The following SFSWAP variants were observed in gnomAD, a reference collection of about 807,000 sequenced individuals.
SFSWAP encodes splicing factor, suppressor of white-apricot homolog.
Under a neutral mutation model 100.7 loss-of-function variants are expected in SFSWAP, and 17 were observed. The ratio of observed to expected loss-of-function variants is 0.17; its 90% CI spans 0.12 to 0.25. The LOEUF is 0.25. Among genes scored for constraint, SFSWAP ranks in the 10% least tolerant of loss-of-function variants. The pLI is 1.00. For synonymous variants in SFSWAP, 504 were observed against 510.1 expected, an observed-to-expected ratio of 0.99 and a Z score of 0.16; for missense variants, 1,005 against 1,262.6, an observed-to-expected ratio of 0.80 and a Z score of 3.09.
intron 15 of SFSWAP, among the ~76,000 whole-genome samples, chr12:131,790,139 G>A (rs1885148216): frequency 6.6e-6 from 1 of 152,174 alleles, no homozygotes; most frequent in Non-Finnish European, 1.5e-5. Context: ...TCTCACCGTG[G>A]ACTCAGGAGC....
At position 131,714,843 on chromosome 12, in the gene SFSWAP, G is replaced by T; in HGVS notation, c.410G>T (p.Ser137Ile). Residue 137 changes from serine to isoleucine, a missense_variant, in exon 3 of 18, where the codon AGT becomes ATT. By Grantham distance (142) the Ser-to-Ile change is moderately radical. This residue lies in a region of SFSWAP where 237 missense variants were observed against 337.0 expected (regional missense o/e 0.70). Coordinates refer to ENST00000261674, the MANE Select transcript of SFSWAP (RefSeq NM_004592.4). The surrounding 1 kb of genome is among the most constrained non-coding windows in gnomAD (Gnocchi z 6.0). ...CAAGAGGAAGAATACAAGCGATTGA[G>T]TGAAGCACTAGCAGAGGATGGGAGC... is the stretch of plus-strand genomic sequence containing the variant. ...ARQEEEYKRL[S>I]EALAEDGSYN... 6.2e-7 allele frequency: 1 copy of T among 1,614,034 alleles called. No homozygotes were observed. The highest frequency in any genetic ancestry group is 8.5e-7 in the Non-Finnish European group (1 of 1,179,900).
intron 7 of SFSWAP, among the ~76,000 whole-genome samples, chr12:131,744,798 C>T (rs1379371228): frequency 6.6e-6 from 1 of 152,220 alleles, no homozygotes; most frequent in Non-Finnish European, 1.5e-5. Flanking sequence ...ATGGACTTAA[C>T]AGTTCCACAT....
At chr12:131,774,415 C>T (rs1883853407) in intron 13 of SFSWAP, among the ~76,000 whole-genome samples, 1 of 152,134 alleles carries the variant, frequency 6.6e-6, no homozygotes, top group Admixed American at 6.6e-5. Flanking sequence ...CACAGGGGGA[C>T]TAATCAATGT....
rs778345473 is a variant in SFSWAP, at chr12:131,755,452, C to T, written c.1521C>T (p.Leu507=). 27 of 1,613,492 alleles carry T rather than the reference C, an allele frequency of 1.7e-5. No homozygotes were observed. The Admixed American group carries it at 4.3e-4, about 26-fold the overall frequency. Residue 507 remains leucine, a synonymous_variant, in exon 10 of 18, where the codon CTC becomes CTT. Transcript: ENST00000261674. The part of the protein sequence containing the change: ...AYYEFKKQFF[L]QKEGGDSMQA... ...ATGAGTTTAAGAAGCAGTTCTTCCT[C>T]CAGAAAGAAGGGGGCGATAGCATGC... is the stretch of plus-strand genomic sequence containing the variant.
At chr12:131,788,360 G>A (rs181920314) in intron 15 of SFSWAP, among the ~76,000 whole-genome samples, 41 of 152,244 alleles carry the variant, frequency 2.7e-4, no homozygotes, top group African/African-American at 9.9e-4. Flanking sequence ...CCAGACAGAC[G>A]GAATTAAACC....
intron 9 of SFSWAP, 24 bp downstream of exon 9, chr12:131,754,523 T>A: frequency 6.5e-7 from 1 of 1,534,436 alleles, no homozygotes; most frequent in Non-Finnish European, 8.8e-7. Flanking sequence ...TTTTATATGT[T>A]AGGTATATGG....
chr12:131,764,716 A>G (rs1466746051), intron 12 of SFSWAP, 30 bp downstream of exon 12: 1 of 1,493,836 alleles, frequency 6.7e-7, no homozygotes, highest in East Asian at 2.3e-5. Flanking sequence ...ACTTCTTGAA[A>G]GAAAGGAAAT....
chr12:131,749,595 T>C (rs1054301882), intron 7 of SFSWAP, among the ~76,000 whole-genome samples: 1 of 152,240 alleles, frequency 6.6e-6, no homozygotes, highest in Non-Finnish European at 1.5e-5. Context: ...AAGGGTTCTG[T>C]GAGCTGTATG....
rs34754096 is a variant in SFSWAP at position 131,725,518 on chromosome 12, T to C, written c.720T>C (p.Phe240=). Residue 240 remains phenylalanine, a synonymous_variant, in exon 5 of 18, where the codon TTT becomes TTC. Transcript: ENST00000261674. The surrounding 1 kb of genome is among the most constrained non-coding windows in gnomAD (Gnocchi z 4.3). ...LKAKQARNSQ[F]DFLRFDHYLN... ...CCAAGCAGGCCCGGAACTCCCAGTT[T>C]GACTTTCTGCGCTTCGACCACTACC... 4,961 of 1,614,130 alleles carry C rather than the reference T, an allele frequency of 3.1e-3. 120 individuals carry two copies. The African/African-American group carries it at 0.054, about 17-fold the overall frequency.
chr12:131,783,689 GA>G (rs1290268059), intron 14 of SFSWAP: 1 of 150,950 alleles, frequency 6.6e-6, no homozygotes, highest in East Asian at 2.0e-4. Context: ...TGAGGCAGGA[GA>G]ATGGCGTGAA....
intron 11 of SFSWAP, among the ~76,000 whole-genome samples, chr12:131,761,821 G>A (rs1239303903): frequency 1.3e-5 from 2 of 152,106 alleles, no homozygotes; most frequent in East Asian, 1.9e-4. Flanking sequence ...TTCAGCCTCG[G>A]TTTTCCCATC....
chr12:131,793,852 C>G (rs4964998), intron 15 of SFSWAP, among the ~76,000 whole-genome samples: 1 of 151,890 alleles, frequency 6.6e-6, no homozygotes, highest in Non-Finnish European at 1.5e-5. Flanking sequence ...CGTGCTGATG[C>G]AACCAACGAG....
In SFSWAP at chr12:131,753,113, G is replaced by A. The variant is rs759265682; in HGVS notation, c.1082-10G>A. 1.9e-6 allele frequency: 3 copies of A among 1,614,050 alleles called. No individual in the cohort carries two copies. The highest frequency in any genetic ancestry group is 4.5e-5 in the East Asian group (2 of 44,890). On this transcript the variant is annotated splice_polypyrimidine_tract_variant and intron_variant, in intron 7 of 17. Transcript: ENST00000261674. ...GGCCATGCTCACTCCGGGGCAATGT[G>A]TCTCCACAGCGACCGTGGCAGCCAT...
intron 4 of SFSWAP, among the ~76,000 whole-genome samples, chr12:131,722,223 G>A (rs1015349368): frequency 6.6e-6 from 1 of 152,178 alleles, no homozygotes; most frequent in African/African-American, 2.4e-5. Context: ...AATGATGACA[G>A]GATCCTTGAG....
chr12:131,776,371 C>CGGAAACAGCAAGGAGGCTGAACA (rs1884027243), intron 13 of SFSWAP, among the ~76,000 whole-genome samples: 1 of 152,172 alleles, frequency 6.6e-6, no homozygotes, highest in African/African-American at 2.4e-5. Flanking sequence ...ACAGTGTAAA[C>CGGAAACAGCAAGGAGGCTGAACA]GGAAACAGCA....
rs1030655416 is a variant in SFSWAP, at chr12:131,725,095, C to T, written c.607-310C>T. ...TCACATGCACAGAGGATTCACAAAC[C>T]CCCTGAATTCCATCATAGAGCTGAA... On this transcript the variant is annotated intron_variant, in intron 4 of 17. Coordinates refer to ENST00000261674, the MANE Select transcript of SFSWAP (RefSeq NM_004592.4). This position sits in a 1 kb window ranked among gnomAD's most constrained non-coding sequence, Gnocchi z 4.3. Among the ~76,000 whole-genome samples the T allele has an allele frequency of 2.0e-5, 3 of 152,140 alleles. No homozygotes were observed. The highest frequency in any genetic ancestry group is 4.4e-5 in the Non-Finnish European group (3 of 68,036).
intron 14 of SFSWAP, among the ~76,000 whole-genome samples, chr12:131,779,410 A>G (rs1220134650): frequency 1.3e-5 from 2 of 152,072 alleles, no homozygotes; most frequent in Non-Finnish European, 2.9e-5. Flanking sequence ...GCAGGTTAAC[A>G]TTTCTGGCAG....
In SFSWAP at chr12:131,725,515, G is replaced by A. The variant is rs1449112970; in HGVS notation, c.717G>A (p.Gln239=). 2 of 1,614,148 alleles carry A rather than the reference G, an allele frequency of 1.2e-6. No homozygotes were observed. Among genetic ancestry groups the A allele is most frequent in the East Asian group, 4.5e-5 (2 of 44,880 alleles). ...MLKAKQARNS[Q]FDFLRFDHYL... ...AGGCCAAGCAGGCCCGGAACTCCCA[G>A]TTTGACTTTCTGCGCTTCGACCACT... Residue 239 remains glutamine, a synonymous_variant, in exon 5 of 18, where the codon CAG becomes CAA. Transcript: ENST00000261674. The surrounding 1 kb of genome is among the most constrained non-coding windows in gnomAD (Gnocchi z 4.3).
chr12:131,764,517 A>G lies in SFSWAP; in HGVS notation c.1782A>G (p.Glu594=). 1 of 1,614,236 alleles carries G rather than the reference A, an allele frequency of 6.2e-7. No individual in the cohort carries two copies. Among genetic ancestry groups the G allele is most frequent in the Non-Finnish European group, 8.5e-7 (1 of 1,180,052 alleles). Residue 594 remains glutamate, a synonymous_variant, in exon 12 of 18, where the codon GAA becomes GAG. Coordinates refer to ENST00000261674, the MANE Select transcript of SFSWAP (RefSeq NM_004592.4). Reference sequence around the variant, plus strand: ...AAGAAAATGATCTGCTTCCCCTGGAAAAAAATCGTGTTAAGCTAGATGATG... The same window carrying G: ...AAGAAAATGATCTGCTTCCCCTGGAGAAAAATCGTGTTAAGCTAGATGATG... ...KAKENDLLPL[E]KNRVKLDDDS...
Sources: allele counts gnomAD v4.1 joint callset (sites outside exome capture counted in the v4.1 genomes callset), GRCh38; gene constraint gnomAD v4.1.1; regional missense constraint gnomAD v4.1.1; non-coding constraint Gnocchi (gnomAD v3.1); transcripts MANE v1.5; gene names NCBI Gene and HGNC (gene_info 2026-07-23, HGNC 2026-07-21).